PCDH11X: variants seen among roughly 807,000 people sequenced by gnomAD.
PCDH11X encodes protocadherin-11 X-linked.
PCDH11X carries 18 observed loss-of-function variants against 53.3 expected under a neutral mutation model. The observed-to-expected ratio is 0.34, with a 90% confidence interval of 0.23 to 0.50. PCDH11X has a LOEUF of 0.50. PCDH11X is among the 20% of genes least tolerant of loss of function. The probability of loss-of-function intolerance (pLI) is 0.98; values close to 1 mark genes in which losing one functional copy is unlikely to be tolerated. For missense variants in PCDH11X, 570 were observed against 1,032.4 expected (o/e 0.55, Z 6.14); for synonymous variants, 279 against 393.3 (o/e 0.71, Z 3.44).
chrX:92,228,657 G>A (rs2067013291), intron 7 of PCDH11X, among the ~76,000 whole-genome samples: 1 of 101,855 alleles, frequency 9.8e-6, no homozygotes, highest in Admixed American at 1.2e-4. Flanking sequence ...GATGCATAGG[G>A]CTTTTGGAAA....
At chrX:92,420,696 A>G (rs1321134245) in intron 9 of PCDH11X, among the ~76,000 whole-genome samples, 1 of 111,904 alleles carries the variant, frequency 8.9e-6, no homozygotes, top group Non-Finnish European at 1.9e-5. Context: ...ATTAATTATA[A>G]TGAATTATTT....
chrX:92,115,205 T>C (rs2064612808), intron 6 of PCDH11X, among the ~76,000 whole-genome samples: 1 of 110,864 alleles, frequency 9.0e-6, no homozygotes, highest in Admixed American at 9.7e-5. Flanking sequence ...ATACCAATTA[T>C]CATTTATTCT....
chrX:92,112,981 A>C (rs1177119404), intron 6 of PCDH11X, among the ~76,000 whole-genome samples: 1 of 109,857 alleles, frequency 9.1e-6, no homozygotes, highest in Non-Finnish European at 1.9e-5. Context: ...TTTTGCTTAA[A>C]ACTATTTGCA....
intron 8 of PCDH11X, among the ~76,000 whole-genome samples, chrX:92,297,535 T>C (rs1214914607): frequency 8.9e-6 from 1 of 111,866 alleles, no homozygotes; most frequent in Non-Finnish European, 1.9e-5. Flanking sequence ...TTCCACCCTA[T>C]CTTGGTTACT....
intron 10 of PCDH11X, among the ~76,000 whole-genome samples, chrX:92,563,680 C>T (rs1921101402): frequency 8.9e-6 from 1 of 111,826 alleles, no homozygotes; most frequent in Admixed American, 9.5e-5. Flanking sequence ...AACACCAAAC[C>T]TATCCTACAT....
At chrX:92,215,223 C>T (rs756608184) in intron 7 of PCDH11X, among the ~76,000 whole-genome samples, 116 of 110,216 alleles carry the variant, frequency 1.1e-3, no homozygotes, top group African/African-American at 3.5e-3. Flanking sequence ...TGCAGCGCAC[C>T]GTGCGCGAGG....
intron 8 of PCDH11X, among the ~76,000 whole-genome samples, chrX:92,286,108 C>T (rs1307709037): frequency 4.5e-5 from 5 of 110,440 alleles, no homozygotes; most frequent in African/African-American, 1.3e-4. Context: ...ATGGCCATCA[C>T]GAATATGTCA....
intron 6 of PCDH11X, among the ~76,000 whole-genome samples, chrX:91,906,824 C>T (rs750661157): frequency 2.0e-3 from 225 of 110,861 alleles, no homozygotes; most frequent in Non-Finnish European, 3.7e-3. Context: ...TTTAAATTAA[C>T]AAAGAATCAT....
intron 6 of PCDH11X, among the ~76,000 whole-genome samples, chrX:92,056,637 T>C (rs2063454339): frequency 9.1e-6 from 1 of 110,259 alleles, no homozygotes; most frequent in Admixed American, 9.8e-5. Context: ...ATTGCCTAGG[T>C]TGTCTTCCGA....
At chrX:92,159,616 TA>T (rs34112170) in intron 6 of PCDH11X, among the ~76,000 whole-genome samples, 37,350 of 95,414 alleles carry the variant, frequency 0.39, 6,716 homozygotes, top group Non-Finnish European at 0.5. Flanking sequence ...TCATTGGGAT[TA>T]AAAAAAAAAA....
At chrX:91,905,978 A>G (rs900589316) in intron 6 of PCDH11X, among the ~76,000 whole-genome samples, 1 of 111,315 alleles carries the variant, frequency 9.0e-6, no homozygotes, top group Non-Finnish European at 1.9e-5. Context: ...TGTCATTTAT[A>G]TATTTCAAAA....
chrX:92,353,468 A>G (rs905572258), intron 8 of PCDH11X, among the ~76,000 whole-genome samples: 4 of 110,693 alleles, frequency 3.6e-5, no homozygotes, highest in African/African-American at 1.3e-4. Context: ...CTCGCTTCTT[A>G]TAAACTATTC....
chrX:92,164,318 GGGTGAA>G, intron 6 of PCDH11X, among the ~76,000 whole-genome samples: 1 of 112,296 alleles, frequency 8.9e-6, no homozygotes, highest in Non-Finnish European at 1.9e-5. Flanking sequence ...GATATAAAGA[GGGTGAA>G]GTAGAAAACC....
chrX:92,198,090 C>T (rs2066321627), intron 6 of PCDH11X, among the ~76,000 whole-genome samples: 1 of 109,359 alleles, frequency 9.1e-6, no homozygotes, highest in Admixed American at 1.0e-4. Flanking sequence ...CCACATTTCT[C>T]CTGAAAACAA....
intron 6 of PCDH11X, among the ~76,000 whole-genome samples, chrX:92,107,299 A>G (rs2064405673): frequency 8.9e-6 from 1 of 112,190 alleles, no homozygotes; most frequent in East Asian, 2.8e-4. Context: ...AGGCTGTGTC[A>G]TGGGCATGTC....
At chrX:92,329,780 C>A (rs1160490810) in intron 8 of PCDH11X, among the ~76,000 whole-genome samples, 3 of 111,148 alleles carry the variant, frequency 2.7e-5, no homozygotes, top group African/African-American at 9.8e-5. Flanking sequence ...AAATTTAAAA[C>A]AATTGAACTC....
chrX:92,118,596 C>T (rs1434544878), intron 6 of PCDH11X, among the ~76,000 whole-genome samples: 3 of 110,369 alleles, frequency 2.7e-5, no homozygotes, highest in African/African-American at 9.9e-5. Flanking sequence ...CTCACATATG[C>T]TTTAGAGTAT....
chrX:92,458,832 TA>T (rs771790127), intron 9 of PCDH11X, among the ~76,000 whole-genome samples: 173 of 106,894 alleles, frequency 1.6e-3, no homozygotes, highest in Admixed American at 3.2e-3. Context: ...TGCTGCAAAA[TA>T]AACACGGGAG....
chrX:92,388,211 G>T (rs1163953876), intron 9 of PCDH11X, among the ~76,000 whole-genome samples: 1 of 111,467 alleles, frequency 9.0e-6, no homozygotes, highest in African/African-American at 3.2e-5. Context: ...ATATTTATTT[G>T]TATATAAACA....
Sources: gnomAD v4.1 joint callset for allele counts (sites outside exome capture counted in the v4.1 genomes callset) on GRCh38, gnomAD v4.1.1 for gene constraint, MANE v1.5 for transcripts, NCBI Gene and HGNC (gene_info 2026-07-23, HGNC 2026-07-21) for gene names.